Variants in C3orf20 observed in about 807,000 individuals in gnomAD.
The protein encoded by C3orf20 is family with sequence similarity 149 member C.
Under a neutral mutation model 88.3 loss-of-function variants are expected in C3orf20, and 76 were observed. The ratio of observed to expected loss-of-function variants is 0.86; its 90% CI spans 0.72 to 1.04. The LOEUF (loss-of-function observed/expected upper bound fraction) is 1.04, where lower values mean the gene tolerates loss of function less well. Among genes scored for constraint, C3orf20 ranks in the 50% least tolerant of loss-of-function variants. The pLI is 0.00. For synonymous variants in C3orf20, 436 were observed against 437.4 expected (o/e 1.00, Z 0.04); for missense variants, 1,056 against 1,123.3 (o/e 0.94, Z 0.86).
At chr3:14,693,165 A>G (rs978658077) in intron 5 of C3orf20, among the ~76,000 whole-genome samples, 1 of 152,074 alleles carries the variant, frequency 6.6e-6, no homozygotes, top group African/African-American at 2.4e-5. Flanking sequence ...TGATTCCTCT[A>G]GTTTTATTAT....
intron 7 of C3orf20, among the ~76,000 whole-genome samples, chr3:14,712,182 GCACACA>G (rs1198777411): frequency 0.087 from 1,951 of 22,448 alleles, 36 homozygotes; most frequent in African/African-American, 0.16. Context: ...ACGCGCGCGC[GCACACA>G]CACACACACA....
chr3:14,761,487 G>A lies in C3orf20; in HGVS notation c.2367G>A (p.Gly789=), dbSNP rs2035560786. The A allele has an allele frequency of 5.6e-6, 9 of 1,614,028 alleles. No individual in the cohort carries two copies. The highest frequency in any genetic ancestry group is 6.8e-6 in the Non-Finnish European group (8 of 1,180,006). The change falls in exon 15 of 17, where the codon GGG becomes GGA. Residue 789 remains glycine (G), a synonymous_variant. Coordinates refer to ENST00000253697, the MANE Select transcript of C3orf20 (RefSeq NM_032137.5). ...CCTGTCAACAGATGTTTGCCGGGGG[G>A]AAGCTCATTTTTGGGGGCCGTGTTT... The part of the protein sequence containing the change: ...VQGMILMFAG[G]KLIFGGRVLN...
chr3:14,750,968 G>A (rs574200043), intron 12 of C3orf20, among the ~76,000 whole-genome samples: 31 of 152,182 alleles, frequency 2.0e-4, no homozygotes, highest in South Asian at 8.3e-4. Context: ...AGACATCTTA[G>A]GCTCTGTTAA....
At chr3:14,747,135 T>C (rs539110401) in intron 12 of C3orf20, among the ~76,000 whole-genome samples, 1 of 152,342 alleles carries the variant, frequency 6.6e-6, no homozygotes, top group African/African-American at 2.4e-5. Context: ...CTAGGTGGCC[T>C]AAAGGATTTA....
chr3:14,723,320 C>T (rs184218487), intron 10 of C3orf20, among the ~76,000 whole-genome samples: 1 of 152,386 alleles, frequency 6.6e-6, no homozygotes, highest in African/African-American at 2.4e-5. Context: ...TCCTTTGTTA[C>T]TCCTGGAGGA....
intron 15 of C3orf20, chr3:14,765,609 T>C (rs1396052216): frequency 1.3e-5 from 2 of 152,340 alleles, no homozygotes; most frequent in South Asian, 2.1e-4. Context: ...GCACAAGTGT[T>C]GGGGGGGAGT....
At position 14,726,908 on chromosome 3, in the gene C3orf20, G is replaced by T. The variant is rs147012833; in HGVS notation, c.1574G>T (p.Arg525Leu). The T allele has an allele frequency of 4.3e-6, 7 of 1,613,968 alleles. No homozygotes were observed. Among genetic ancestry groups the T allele is most frequent in the Non-Finnish European group, 5.9e-6 (7 of 1,179,986 alleles). ...CCCTTTGCCCCTCTCCAGCTGAACC[G>T]CAGAATCAGCAACATGGACGACAAG... ...HGMAYDKRLN[R>L]RISNMDDKVY... Residue 525 changes from arginine (R) to leucine (L), a missense_variant, in exon 11 of 17, where the codon CGC becomes CTC. By Grantham distance (102) the Arg-to-Leu change is moderately radical. Coordinates refer to ENST00000253697, the MANE Select transcript of C3orf20 (RefSeq NM_032137.5).
chr3:14,713,621 A>G (rs2033829573), intron 7 of C3orf20, among the ~76,000 whole-genome samples: 1 of 152,222 alleles, frequency 6.6e-6, no homozygotes, highest in Non-Finnish European at 1.5e-5. Flanking sequence ...GACATGGGGC[A>G]GATAATTTTC....
At position 14,735,922 on chromosome 3, in the gene C3orf20, A is replaced by G. The variant is rs897878265; in HGVS notation, c.1940+7234A>G. ...TTGTGAACATAATTATACAGTTTAT[A>G]TTTAGATTTGCCCACATATTTACTT... is the stretch of plus-strand genomic sequence containing the variant. On this transcript the variant is annotated intron_variant, in intron 12 of 16. Transcript: ENST00000253697. 1.7e-4 allele frequency among the ~76,000 whole-genome samples: 26 copies of G among 152,254 alleles called. No individual in the cohort carries two copies. In the Middle Eastern group the frequency reaches 0.024, roughly 139 times the overall value.
In C3orf20 at chr3:14,758,691, A is replaced by G. The variant is rs558867521; in HGVS notation, c.2244+1017A>G. Among the ~76,000 whole-genome samples the G allele has an allele frequency of 2.0e-5, 3 of 152,156 alleles. No individual in the cohort carries two copies. The East Asian group carries it at 5.8e-4, about 29-fold the overall frequency. Reference sequence around the variant, plus strand: ...CACCAGGGGTAGGGGTTCTGCATGGACACCCTCCTCCCAGAAGTGGCCCCT... The same window carrying G: ...CACCAGGGGTAGGGGTTCTGCATGGGCACCCTCCTCCCAGAAGTGGCCCCT... On this transcript the variant is annotated intron_variant, in intron 13 of 16. Transcript: ENST00000253697.
At chr3:14,757,774 C>A in intron 13 of C3orf20, 100 bp downstream of exon 13, 1 of 1,113,592 alleles carries the variant, frequency 9.0e-7, no homozygotes. Context: ...TGAGCACCTG[C>A]CTGAGGGGCC....
Position 14,713,935 on chromosome 3 carries a change from T to C in C3orf20, c.1161-72T>C, listed in dbSNP as rs553766720. On this transcript the variant is annotated intron_variant, in intron 7 of 16. Transcript: ENST00000253697. Reference sequence around the variant, plus strand: ...ATAGCTAACACTTTGACATGTGGACTTGCTTCAATGGGACAACTGAGAGCA... The same window carrying C: ...ATAGCTAACACTTTGACATGTGGACCTGCTTCAATGGGACAACTGAGAGCA... The C allele has an allele frequency of 8.4e-6, 13 of 1,551,844 alleles. No individual in the cohort carries two copies. In the South Asian group the frequency reaches 1.5e-4, roughly 18 times the overall value.
chr3:14,765,332 C>T (rs920716723), intron 15 of C3orf20: 2 of 152,230 alleles, frequency 1.3e-5, no homozygotes, highest in African/African-American at 4.8e-5. Flanking sequence ...AATAAATGTT[C>T]ACCTTTAGAT....
intron 2 of C3orf20, 37 bp downstream of exon 2, chr3:14,682,368 A>G (rs925571701): frequency 1.2e-4 from 26 of 218,876 alleles, no homozygotes; most frequent in African/African-American, 5.0e-4. Flanking sequence ...CAGCCCTTCC[A>G]TTCCTCCAGC....
chr3:14,702,898 T>C (rs2033333538), intron 5 of C3orf20, among the ~76,000 whole-genome samples: 1 of 152,114 alleles, frequency 6.6e-6, no homozygotes, highest in South Asian at 2.1e-4. Flanking sequence ...AGTTACTTCC[T>C]AGATACAGTG....
chr3:14,744,072 G>T (rs1255914888), intron 12 of C3orf20, among the ~76,000 whole-genome samples: 4 of 151,998 alleles, frequency 2.6e-5, no homozygotes, highest in African/African-American at 7.3e-5. Flanking sequence ...CCCAGAAAAT[G>T]GGCTTTTCTT....
At chr3:14,727,750 ATTAT>A (rs1276966022) in intron 11 of C3orf20, among the ~76,000 whole-genome samples, 2 of 152,260 alleles carry the variant, frequency 1.3e-5, no homozygotes, top group South Asian at 2.1e-4. Context: ...ATAGCACTTA[ATTAT>A]TTATTTTTTC....
intron 5 of C3orf20, among the ~76,000 whole-genome samples, chr3:14,699,670 G>A (rs1190831624): frequency 2.0e-5 from 3 of 152,224 alleles, no homozygotes; most frequent in Non-Finnish European, 2.9e-5. Flanking sequence ...CTCTCCTCAA[G>A]TGGAAGAAAG....
chr3:14,764,619 T>A (rs981077295), intron 15 of C3orf20, among the ~76,000 whole-genome samples: 1 of 152,036 alleles, frequency 6.6e-6, no homozygotes, highest in Non-Finnish European at 1.5e-5. Flanking sequence ...GTCATACAGT[T>A]ACAGTCAGAA....
Sources: allele counts gnomAD v4.1 joint callset (sites outside exome capture counted in the v4.1 genomes callset), GRCh38; gene constraint gnomAD v4.1.1; transcripts MANE v1.5; gene names NCBI Gene and HGNC (gene_info 2026-07-23, HGNC 2026-07-21).